Variants in KLF12 observed in about 807,000 individuals in gnomAD.
KLF12 encodes Krueppel-like factor 12.
A neutral mutation model predicts 37.8 loss-of-function variants in KLF12; 9 were observed. The ratio of observed to expected loss-of-function variants is 0.24; its 90% CI spans 0.14 to 0.42. The LOEUF is 0.42. Ranked by LOEUF, KLF12 falls within the 10% of genes least tolerant of loss-of-function variation. The pLI is 1.00. For synonymous variants in KLF12, 208 were observed against 202.1 expected (o/e 1.03, Z -0.25); for missense variants, 411 against 516.0 (o/e 0.80, Z 1.97).
chr13:74,183,791 G>A, the KLF12 span, among the ~76,000 whole-genome samples: 1 of 152,018 alleles, frequency 6.6e-6, no homozygotes, highest in African/African-American at 2.4e-5. Flanking sequence ...GCAAAAATTA[G>A]CTGGGCATGG....
intron 2 of KLF12, among the ~76,000 whole-genome samples, chr13:73,944,750 T>C (rs150788381): frequency 1.4e-3 from 190 of 131,394 alleles, no homozygotes; most frequent in African/African-American, 4.1e-3. Flanking sequence ...ATCTATATTG[T>C]AGCTCAATAA....
At chr13:73,788,592 C>G (rs933386169) in intron 5 of KLF12, among the ~76,000 whole-genome samples, 1 of 152,020 alleles carries the variant, frequency 6.6e-6, no homozygotes, top group African/African-American at 2.4e-5. Flanking sequence ...CCTTTGTGCT[C>G]GTATATCAAG....
the KLF12 span, among the ~76,000 whole-genome samples, chr13:74,168,981 C>A: frequency 6.6e-6 from 1 of 152,166 alleles, no homozygotes. Context: ...AGAGTACAAA[C>A]CAGCCGTGGC....
At chr13:74,275,893 CTTTCT>C in the KLF12 span, among the ~76,000 whole-genome samples, 3 of 121,122 alleles carry the variant, frequency 2.5e-5, no homozygotes, top group African/African-American at 6.8e-5. Context: ...TTCTTTCTTT[CTTTCT>C]TTCTTTCTTT....
intron 3 of KLF12, among the ~76,000 whole-genome samples, chr13:73,852,875 T>TG (rs1329740727): frequency 1.3e-5 from 2 of 150,252 alleles, no homozygotes; most frequent in African/African-American, 2.4e-5. Context: ...ATTTATGTTT[T>TG]TTTTTTTTTT....
chr13:74,074,191 T>C (rs1456570349), intron 1 of KLF12, among the ~76,000 whole-genome samples: 9 of 152,164 alleles, frequency 5.9e-5, no homozygotes, highest in Non-Finnish European at 1.3e-4. Flanking sequence ...CACAGATGCA[T>C]GTGCACATTT....
chr13:74,114,521 T>C (rs1877171153), intron 1 of KLF12, among the ~76,000 whole-genome samples: 1 of 152,210 alleles, frequency 6.6e-6, no homozygotes, highest in African/African-American at 2.4e-5. Context: ...TAAGGTCTTA[T>C]ATGTGGGTCA....
chr13:73,902,810 A>C (rs1888097363), intron 3 of KLF12, among the ~76,000 whole-genome samples: 1 of 152,258 alleles, frequency 6.6e-6, no homozygotes, highest in Non-Finnish European at 1.5e-5. Flanking sequence ...GCAATGATTT[A>C]AAGTTCCGTG....
intron 5 of KLF12, among the ~76,000 whole-genome samples, chr13:73,787,979 CTG>C (rs1017287730): frequency 2.0e-5 from 3 of 151,964 alleles, no homozygotes; most frequent in Non-Finnish European, 1.5e-5. Flanking sequence ...TTGTAATAGA[CTG>C]TATTTAATAA....
At chr13:74,269,341 G>T in the KLF12 span, among the ~76,000 whole-genome samples, 4 of 152,048 alleles carry the variant, frequency 2.6e-5, no homozygotes, top group East Asian at 7.7e-4. Flanking sequence ...TTTATTTCCT[G>T]CTCATTTCAT....
At chr13:74,241,943 C>T in the KLF12 span, among the ~76,000 whole-genome samples, 1 of 152,160 alleles carries the variant, frequency 6.6e-6, no homozygotes, top group African/African-American at 2.4e-5. Flanking sequence ...CGGAGCTGTT[C>T]CTATTTGGCC....
chr13:73,882,969 A>C (rs1648948298), intron 3 of KLF12, among the ~76,000 whole-genome samples: 1 of 152,194 alleles, frequency 6.6e-6, no homozygotes, highest in Admixed American at 6.5e-5. Flanking sequence ...GTATTGTTAT[A>C]GTACTGTCTT....
intron 5 of KLF12, among the ~76,000 whole-genome samples, chr13:73,796,722 C>T (rs1245300332): frequency 6.6e-6 from 1 of 152,108 alleles, no homozygotes; most frequent in Non-Finnish European, 1.5e-5. Flanking sequence ...TCAGTATTTA[C>T]CTAAGAGAAA....
the KLF12 span, among the ~76,000 whole-genome samples, chr13:74,291,498 A>G: frequency 0.38 from 57,210 of 152,060 alleles, 12,776 homozygotes; most frequent in African/African-American, 0.63. Context: ...AGATATAGAC[A>G]ACAAGGTCAG....
the KLF12 span, among the ~76,000 whole-genome samples, chr13:74,300,996 T>C: frequency 6.6e-6 from 1 of 152,148 alleles, no homozygotes; most frequent in East Asian, 1.9e-4. Flanking sequence ...AAATATTATC[T>C]TCATGAGAAA....
At chr13:73,774,927 T>C (rs1880512263) in intron 5 of KLF12, among the ~76,000 whole-genome samples, 2 of 151,030 alleles carry the variant, frequency 1.3e-5, no homozygotes, top group African/African-American at 2.4e-5. Flanking sequence ...TTTTTTTTTT[T>C]TTTTTTTTAA....
chr13:74,296,082 G>A, the KLF12 span, among the ~76,000 whole-genome samples: 1 of 151,728 alleles, frequency 6.6e-6, no homozygotes, highest in Non-Finnish European at 1.5e-5. Context: ...GCCTCCCAAA[G>A]TGCTGGGATT....
intron 3 of KLF12, among the ~76,000 whole-genome samples, chr13:73,894,400 A>C (rs1290014228): frequency 3.9e-5 from 6 of 152,292 alleles, no homozygotes; most frequent in Non-Finnish European, 2.9e-5. Flanking sequence ...GGGATCTAAG[A>C]GAGTCTCCTA....
intron 1 of KLF12, among the ~76,000 whole-genome samples, chr13:74,123,886 AC>A (rs1049517083): frequency 3.3e-5 from 5 of 152,164 alleles, no homozygotes; most frequent in African/African-American, 1.2e-4. Flanking sequence ...CTAGACTTTT[AC>A]CTTCTCCTGA....
Sources: gnomAD v4.1 joint callset for allele counts (sites outside exome capture counted in the v4.1 genomes callset) on GRCh38, gnomAD v4.1.1 for gene constraint, MANE v1.5 for transcripts, NCBI Gene and HGNC (gene_info 2026-07-23, HGNC 2026-07-21) for gene names.